AGBL1: variants seen among roughly 807,000 people sequenced by gnomAD.
The protein encoded by AGBL1 is AGBL carboxypeptidase 1.
AGBL1 carries 130 observed loss-of-function variants against 118.9 expected under a neutral mutation model. The observed-to-expected ratio is 1.09, with a 90% CI of 0.95 to 1.26. The LOEUF is 1.26. AGBL1 is among the 50% of genes most tolerant of loss of function. AGBL1 has a pLI of 0.00. For synonymous variants in AGBL1, 555 were observed against 478.9 expected (o/e 1.16, Z -2.08); for missense variants, 1,584 against 1,298.1 (o/e 1.22, Z -3.38).
intron 22 of AGBL1, among the ~76,000 whole-genome samples, chr15:86,836,480 T>C (rs962553598): frequency 6.6e-6 from 1 of 152,198 alleles, no homozygotes; most frequent in African/African-American, 2.4e-5. Flanking sequence ...CAGGCAATAG[T>C]ATCCTAACTT....
chr15:86,298,290 A>G lies in AGBL1; in HGVS notation c.2374+2882A>G, dbSNP rs980073692. ...ATATATATATATATATGGTAACTAT[A>G]TATATATGGTAGCTATATATATATA... On this transcript the variant is annotated intron_variant, in intron 17 of 22. Coordinates refer to ENST00000614907, the MANE Select transcript of AGBL1 (RefSeq NM_001386094.1). Among the ~76,000 whole-genome samples the G allele has an allele frequency of 1.1e-4, 13 of 115,640 alleles. 1 individual carries two copies. Among genetic ancestry groups the G allele is most frequent in the African/African-American group, 4.8e-4 (13 of 27,280 alleles). The allele number at this position is 115,640 out of a possible 152,430, so 75.9% of individuals were successfully genotyped here.
intron 22 of AGBL1, among the ~76,000 whole-genome samples, chr15:86,705,887 T>A (rs2142663739): frequency 1.3e-5 from 2 of 152,242 alleles, no homozygotes; most frequent in South Asian, 2.1e-4. Flanking sequence ...ATAAACACTA[T>A]CTTCACAAGC....
chr15:86,105,427 T>C (rs963163908), intron 1 of AGBL1: 2 of 152,226 alleles, frequency 1.3e-5, no homozygotes, highest in East Asian at 1.9e-4. Flanking sequence ...CACAAACTCA[T>C]GTTAGCGGGG....
chr15:86,242,478 C>T (rs1438747228), intron 6 of AGBL1, among the ~76,000 whole-genome samples: 3 of 152,126 alleles, frequency 2.0e-5, no homozygotes, highest in Non-Finnish European at 2.9e-5. Flanking sequence ...GTAACATGCT[C>T]AAAGTCGCAC....
chr15:86,523,253 T>C (rs2083214289), intron 19 of AGBL1, among the ~76,000 whole-genome samples: 1 of 152,186 alleles, frequency 6.6e-6, no homozygotes, highest in Non-Finnish European at 1.5e-5. Flanking sequence ...CAGCTTCTGG[T>C]GGTTGCTAGC....
intron 21 of AGBL1, among the ~76,000 whole-genome samples, chr15:86,621,692 A>C (rs2084807143): frequency 6.6e-6 from 1 of 152,218 alleles, no homozygotes; most frequent in Non-Finnish European, 1.5e-5. Context: ...TAGGACTTGG[A>C]GATATCGTTT....
At chr15:86,255,885 A>G (rs1280068145) in intron 7 of AGBL1, among the ~76,000 whole-genome samples, 3 of 152,190 alleles carry the variant, frequency 2.0e-5, no homozygotes, top group African/African-American at 7.2e-5. Flanking sequence ...TTCACATGGA[A>G]GTACCTGTAA....
chr15:86,625,825 C>T (rs947904525), intron 21 of AGBL1, among the ~76,000 whole-genome samples: 2 of 152,098 alleles, frequency 1.3e-5, no homozygotes, highest in Admixed American at 1.3e-4. Flanking sequence ...AGCTGAGAAT[C>T]CAGCCATGCC....
At chr15:86,876,987 T>C (rs2079819133) in intron 22 of AGBL1, among the ~76,000 whole-genome samples, 1 of 152,168 alleles carries the variant, frequency 6.6e-6, no homozygotes, top group African/African-American at 2.4e-5. Context: ...GTCATTATTA[T>C]TATTTTCCCA....
At chr15:86,540,995 A>G (rs2083487620) in intron 19 of AGBL1, among the ~76,000 whole-genome samples, 1 of 152,156 alleles carries the variant, frequency 6.6e-6, no homozygotes, top group Non-Finnish European at 1.5e-5. Context: ...TGAATTTAGT[A>G]TTTAAGGAGT....
chr15:86,252,284 A>G (rs77425828), intron 7 of AGBL1, among the ~76,000 whole-genome samples: 2,572 of 152,312 alleles, frequency 0.017, 42 homozygotes, highest in East Asian at 0.051. Context: ...AACAAGACCA[A>G]TGACCTCAGC....
chr15:86,691,360 C>A (rs550025102), intron 22 of AGBL1, among the ~76,000 whole-genome samples: 1 of 152,270 alleles, frequency 6.6e-6, no homozygotes, highest in South Asian at 2.1e-4. Flanking sequence ...GTTTTTAAAT[C>A]TTCCAACTTG....
At chr15:87,013,038 T>C (rs1234507981) in intron 24 of AGBL1, among the ~76,000 whole-genome samples, 2 of 152,210 alleles carry the variant, frequency 1.3e-5, no homozygotes, top group Non-Finnish European at 2.9e-5. Flanking sequence ...CTACACTTCA[T>C]AATACTGTTA....
At chr15:86,083,177 G>A (rs1895403033) in intron 1 of AGBL1, among the ~76,000 whole-genome samples, 2 of 151,916 alleles carry the variant, frequency 1.3e-5, no homozygotes, top group Admixed American at 1.3e-4. Context: ...TTTCCTGGGT[G>A]GACTCCAATA....
intron 22 of AGBL1, among the ~76,000 whole-genome samples, chr15:86,873,471 A>T (rs1263140805): frequency 6.6e-6 from 1 of 152,190 alleles, no homozygotes; most frequent in Non-Finnish European, 1.5e-5. Flanking sequence ...CCCTGATACA[A>T]TCTGAAAGTT....
intron 20 of AGBL1, 66 bp downstream of exon 20, chr15:86,546,199 C>A: frequency 2.1e-6 from 3 of 1,439,880 alleles, no homozygotes; most frequent in South Asian, 1.6e-5. Context: ...ACCTTTAAGA[C>A]CATGCCCCAC....
intron 5 of AGBL1, among the ~76,000 whole-genome samples, chr15:86,197,566 G>A (rs1402611349): frequency 1.3e-5 from 2 of 152,170 alleles, no homozygotes; most frequent in Non-Finnish European, 1.5e-5. Context: ...TGAAGATGTG[G>A]CTATGTTCTT....
chr15:86,419,934 G>T (rs1396454718), intron 18 of AGBL1, among the ~76,000 whole-genome samples: 1 of 152,174 alleles, frequency 6.6e-6, no homozygotes, highest in Non-Finnish European at 1.5e-5. Context: ...TCTGGGCAGG[G>T]TATCTCTGAA....
At chr15:86,514,900 C>A (rs1010741301) in intron 18 of AGBL1, among the ~76,000 whole-genome samples, 1 of 152,116 alleles carries the variant, frequency 6.6e-6, no homozygotes, top group Non-Finnish European at 1.5e-5. Context: ...ATATTTCATT[C>A]AACTTTATCA....
Sources: allele counts gnomAD v4.1 joint callset (sites outside exome capture counted in the v4.1 genomes callset), GRCh38; gene constraint gnomAD v4.1.1; transcripts MANE v1.5; gene names NCBI Gene and HGNC (gene_info 2026-07-23, HGNC 2026-07-21).